Variants in BMP5 observed in about 807,000 individuals in gnomAD.
BMP5 encodes the protein bone morphogenetic protein 5.
A neutral mutation model predicts 46.6 loss-of-function variants in BMP5; 23 were observed. The ratio of observed to expected loss-of-function variants is 0.49; its 90% CI spans 0.35 to 0.70. The LOEUF is 0.70. BMP5 is among the 30% of genes least tolerant of loss of function. The pLI, the probability that BMP5 is intolerant of heterozygous loss-of-function variation, is 0.00. For missense variants in BMP5, 545 were observed against 565.6 expected, an observed-to-expected ratio of 0.96 and a Z score of 0.37; for synonymous variants, 204 against 191.9, an observed-to-expected ratio of 1.06 and a Z score of -0.52.
chr6:55,818,934 A>C (rs2127538218), intron 2 of BMP5, among the ~76,000 whole-genome samples: 1 of 151,944 alleles, frequency 6.6e-6, no homozygotes, highest in East Asian at 1.9e-4. Flanking sequence ...AGATAGATAG[A>C]TAGATAGATA....
intron 2 of BMP5, among the ~76,000 whole-genome samples, chr6:55,794,744 G>A (rs1206497621): frequency 6.6e-6 from 1 of 152,150 alleles, no homozygotes; most frequent in Non-Finnish European, 1.5e-5. Context: ...ACCACCATCT[G>A]TAAGTAGTCC....
chr6:55,853,010 G>A (rs972244651), intron 1 of BMP5, among the ~76,000 whole-genome samples: 9 of 151,724 alleles, frequency 5.9e-5, no homozygotes, highest in African/African-American at 1.9e-4. Context: ...CCCGCCTGTA[G>A]TCCCAGCTAC....
rs377397072 is a variant in BMP5 at position 55,755,504 on chromosome 6, C to A, written c.*29G>T. 4.7e-5 allele frequency: 75 copies of A among 1,588,152 alleles called. No homozygotes were observed. The African/African-American group carries it at 8.6e-4, about 18-fold the overall frequency. On this transcript the variant is annotated 3_prime_UTR_variant, in exon 7 of 7. Coordinates refer to ENST00000370830, the MANE Select transcript of BMP5 (RefSeq NM_021073.4). ...TGCAGCCATAAACCTTAATACAGAT[C>A]TTTTTGTTATTATCAATATTATTTA...
At position 55,860,453 on chromosome 6, in the gene BMP5, A is replaced by T. The variant is rs541754357; in HGVS notation, c.490+13923T>A. On this transcript the variant is annotated intron_variant, in intron 1 of 6. Coordinates refer to ENST00000370830, the MANE Select transcript of BMP5 (RefSeq NM_021073.4). ...TAGTCTAATAAAAATTAAATGTTTG[A>T]CTTATTCATAAGTTCATCTGACTTC... Among the ~76,000 whole-genome samples, 166 of 152,294 alleles carry T rather than the reference A, an allele frequency of 1.1e-3. No individual in the cohort carries two copies. In the Middle Eastern group the frequency reaches 0.037, roughly 34 times the overall value.
At chr6:55,780,337 A>G (rs1434239786) in intron 3 of BMP5, among the ~76,000 whole-genome samples, 1 of 151,054 alleles carries the variant, frequency 6.6e-6, no homozygotes, top group Non-Finnish European at 1.5e-5. Flanking sequence ...AAACGTGCTT[A>G]TGGCCAGGAA....
At chr6:55,810,613 T>C (rs1442353910) in intron 2 of BMP5, among the ~76,000 whole-genome samples, 1 of 152,238 alleles carries the variant, frequency 6.6e-6, no homozygotes, top group East Asian at 1.9e-4. Context: ...TACAAACTCC[T>C]AAGAGCTCTT....
At chr6:55,769,680 T>G (rs901509863) in intron 4 of BMP5, among the ~76,000 whole-genome samples, 5 of 151,878 alleles carry the variant, frequency 3.3e-5, no homozygotes, top group East Asian at 1.9e-4. Flanking sequence ...GCCTAGATCC[T>G]TCAGGGGAAT....
At chr6:55,758,585 T>C in intron 6 of BMP5, among the ~76,000 whole-genome samples, 1 of 151,976 alleles carries the variant, frequency 6.6e-6, no homozygotes, top group Admixed American at 6.6e-5. Flanking sequence ...ACTTTTATAA[T>C]ACCAAAGTAT....
At chr6:55,759,577 T>A (rs529454033) in intron 5 of BMP5, among the ~76,000 whole-genome samples, 1 of 152,102 alleles carries the variant, frequency 6.6e-6, no homozygotes, top group South Asian at 2.1e-4. Flanking sequence ...TAAGAACTCA[T>A]TCTTAGTTTT....
At chr6:55,856,274 G>C (rs1777394755) in intron 1 of BMP5, among the ~76,000 whole-genome samples, 1 of 152,120 alleles carries the variant, frequency 6.6e-6, no homozygotes, top group East Asian at 1.9e-4. Flanking sequence ...TGCTTATTCA[G>C]TCACTGAAGG....
intron 1 of BMP5, among the ~76,000 whole-genome samples, chr6:55,842,560 G>C (rs772147174): frequency 6.6e-6 from 1 of 151,960 alleles, no homozygotes; most frequent in East Asian, 1.9e-4. Flanking sequence ...AGGAACCCCA[G>C]ACTCCAATCA....
In BMP5 at chr6:55,849,368, T is replaced by C. The variant is rs190031879; in HGVS notation, c.490+25008A>G. On this transcript the variant is annotated intron_variant, in intron 1 of 6. Coordinates refer to ENST00000370830, the MANE Select transcript of BMP5 (RefSeq NM_021073.4). ...ACATATATGCAGACATGTGCACACA[T>C]ATACCAGGGTAAGTGAATAGAGAGT... 7.8e-4 allele frequency among the ~76,000 whole-genome samples: 118 copies of C among 152,180 alleles called. 1 individual carries two copies. The highest frequency in any genetic ancestry group is 6.0e-3 in the Admixed American group (92 of 15,266).
At chr6:55,845,729 T>C (rs1407952564) in intron 1 of BMP5, among the ~76,000 whole-genome samples, 2 of 151,984 alleles carry the variant, frequency 1.3e-5, no homozygotes, top group Non-Finnish European at 2.9e-5. Flanking sequence ...TCCCCTTCTA[T>C]GATTTGGAGG....
chr6:55,810,590 G>A (rs1181719459), intron 2 of BMP5, among the ~76,000 whole-genome samples: 2 of 152,162 alleles, frequency 1.3e-5, no homozygotes, highest in Admixed American at 1.3e-4. Flanking sequence ...CAGTGAATGA[G>A]CAATGTACCC....
chr6:55,769,626 G>A (rs777226403), intron 4 of BMP5, among the ~76,000 whole-genome samples: 3 of 151,892 alleles, frequency 2.0e-5, no homozygotes, highest in Non-Finnish European at 2.9e-5. Context: ...AATCATGAGT[G>A]TTCTTAAATG....
rs6911684 is a variant in BMP5, at chr6:55,856,252, T to C, written c.490+18124A>G. Among the ~76,000 whole-genome samples, 1,207 of 152,302 alleles carry C rather than the reference T, an allele frequency of 7.9e-3. 19 individuals are homozygous for C. Among genetic ancestry groups the C allele is most frequent in the African/African-American group, 0.027 (1,126 of 41,564 alleles). ...AATGTTGCCAAGAAGTCTAATTCAA[T>C]GGGTGTGTCACTGCTTATTCAGTCA... On this transcript the variant is annotated intron_variant, in intron 1 of 6. Coordinates refer to ENST00000370830, the MANE Select transcript of BMP5 (RefSeq NM_021073.4).
chr6:55,857,431 G>A (rs945774803), intron 1 of BMP5, among the ~76,000 whole-genome samples: 6 of 152,012 alleles, frequency 3.9e-5, no homozygotes, highest in Non-Finnish European at 8.8e-5. Context: ...CCATACTTTC[G>A]CACTCTTTCA....
chr6:55,790,003 T>C (rs1384314501), intron 3 of BMP5, among the ~76,000 whole-genome samples: 1 of 152,194 alleles, frequency 6.6e-6, no homozygotes, highest in Non-Finnish European at 1.5e-5. Flanking sequence ...ATCAAAATGC[T>C]ACTTTTGATT....
At chr6:55,790,338 C>T (rs1051684602) in intron 3 of BMP5, among the ~76,000 whole-genome samples, 1 of 152,142 alleles carries the variant, frequency 6.6e-6, no homozygotes, top group African/African-American at 2.4e-5. Flanking sequence ...CTACGACCTG[C>T]ATTGTGCCAC....
Sources: allele counts gnomAD v4.1 joint callset (sites outside exome capture counted in the v4.1 genomes callset), GRCh38; gene constraint gnomAD v4.1.1; transcripts MANE v1.5; gene names NCBI Gene and HGNC (gene_info 2026-07-23, HGNC 2026-07-21).